Variants in FHIT observed in about 807,000 individuals in gnomAD.
FHIT encodes fragile histidine triad diadenosine triphosphatase.
FHIT carries 19 observed loss-of-function variants against 17.9 expected under a neutral mutation model. That is an observed-to-expected ratio of 1.06 (90% CI 0.74 to 1.56). The LOEUF is 1.56. Ranked by LOEUF, FHIT falls within the 40% of genes most tolerant of loss-of-function variation. FHIT has a pLI of 0.00. For synonymous variants in FHIT, 81 were observed against 69.7 expected (o/e 1.16, Z -0.81); for missense variants, 248 against 189.2 (o/e 1.31, Z -1.82).
At chr3:60,166,045 AT>A (rs1701156941) in intron 5 of FHIT, among the ~76,000 whole-genome samples, 1 of 152,148 alleles carries the variant, frequency 6.6e-6, no homozygotes, top group South Asian at 2.1e-4. Context: ...TCTCACATTC[AT>A]CAAGGAAAGG....
chr3:60,068,476 G>A (rs1255885975), intron 5 of FHIT, among the ~76,000 whole-genome samples: 1 of 152,116 alleles, frequency 6.6e-6, no homozygotes, highest in African/African-American at 2.4e-5. Flanking sequence ...GGCTCCATAC[G>A]GCTGTGTGGG....
intron 5 of FHIT, among the ~76,000 whole-genome samples, chr3:60,346,606 G>A (rs1337798673): frequency 2.0e-5 from 3 of 152,022 alleles, no homozygotes; most frequent in Admixed American, 6.6e-5. Flanking sequence ...TTTCCTTTTC[G>A]CCAAATAAAT....
chr3:60,868,337 T>A (rs1290527556), intron 3 of FHIT, among the ~76,000 whole-genome samples: 1 of 152,178 alleles, frequency 6.6e-6, no homozygotes, highest in East Asian at 1.9e-4. Context: ...TTGAAATTCC[T>A]TCAAAGCTAT....
chr3:60,860,415 A>ATACC, intron 3 of FHIT, among the ~76,000 whole-genome samples: 2 of 140,112 alleles, frequency 1.4e-5, no homozygotes, highest in Non-Finnish European at 3.2e-5. Flanking sequence ...CATACATCAT[A>ATACC]TGTATATATG....
chr3:60,501,197 A>G (rs1482005823), intron 5 of FHIT, among the ~76,000 whole-genome samples: 2 of 152,128 alleles, frequency 1.3e-5, no homozygotes, highest in Non-Finnish European at 1.5e-5. Context: ...TCTCACCAAC[A>G]TTTTTCAGGG....
intron 1 of FHIT, among the ~76,000 whole-genome samples, chr3:61,220,470 C>G (rs568265347): frequency 6.6e-6 from 1 of 152,300 alleles, no homozygotes; most frequent in East Asian, 1.9e-4. Context: ...TATATGTATG[C>G]ATTTCTTACA....
intron 5 of FHIT, among the ~76,000 whole-genome samples, chr3:60,260,648 T>C (rs756754696): frequency 2.1e-4 from 32 of 152,168 alleles, no homozygotes; most frequent in African/African-American, 4.8e-4. Flanking sequence ...AGAGCAACTC[T>C]ATCTTGAATA....
intron 9 of FHIT, 61 bp downstream of exon 9, chr3:59,752,160 G>A: frequency 8.4e-7 from 1 of 1,193,466 alleles, no homozygotes. Flanking sequence ...CATTCTGAGA[G>A]TGCAGCCTCT....
At chr3:60,276,560 T>A (rs577437507) in intron 5 of FHIT, among the ~76,000 whole-genome samples, 3 of 152,292 alleles carry the variant, frequency 2.0e-5, no homozygotes, top group Admixed American at 1.3e-4. Context: ...ACAAGGTGAA[T>A]CATAAAAATA....
chr3:60,613,828 G>A (rs1236195109), intron 4 of FHIT, among the ~76,000 whole-genome samples: 1 of 152,186 alleles, frequency 6.6e-6, no homozygotes, highest in Non-Finnish European at 1.5e-5. Flanking sequence ...TGTCTTGGAG[G>A]GACAAAGTGG....
chr3:60,461,911 C>A (rs187523116), intron 5 of FHIT, among the ~76,000 whole-genome samples: 1 of 152,156 alleles, frequency 6.6e-6, no homozygotes, highest in Non-Finnish European at 1.5e-5. Flanking sequence ...CCCCCGCCCC[C>A]CTTTAAGCCA....
chr3:60,343,736 A>G (rs73104934), intron 5 of FHIT, among the ~76,000 whole-genome samples: 22,517 of 152,106 alleles, frequency 0.15, 1,757 homozygotes, highest in Non-Finnish European at 0.16. Context: ...ATTCTGATGC[A>G]CTGTGGATAC....
intron 5 of FHIT, among the ~76,000 whole-genome samples, chr3:60,182,545 G>A (rs2107444864): frequency 6.6e-6 from 1 of 152,236 alleles, no homozygotes. Context: ...GGGAGGCTGA[G>A]GCAGGCAGAC....
At chr3:59,787,018 T>A (rs2106908765) in intron 8 of FHIT, among the ~76,000 whole-genome samples, 1 of 152,310 alleles carries the variant, frequency 6.6e-6, no homozygotes, top group South Asian at 2.1e-4. Flanking sequence ...GTGAATTCAA[T>A]GGGAATTATC....
chr3:60,273,492 C>T (rs1260306632), intron 5 of FHIT, among the ~76,000 whole-genome samples: 4 of 152,032 alleles, frequency 2.6e-5, no homozygotes, highest in Non-Finnish European at 5.9e-5. Flanking sequence ...TGCCTGTCCT[C>T]CCAGCTACTC....
At chr3:60,896,824 A>G (rs1705848200) in intron 3 of FHIT, among the ~76,000 whole-genome samples, 1 of 152,184 alleles carries the variant, frequency 6.6e-6, no homozygotes, top group Non-Finnish European at 1.5e-5. Flanking sequence ...TTCGGAATAT[A>G]CAAACCATGA....
chr3:60,627,733 A>G (rs1242077363), intron 4 of FHIT, among the ~76,000 whole-genome samples: 1 of 152,180 alleles, frequency 6.6e-6, no homozygotes, highest in East Asian at 1.9e-4. Context: ...CATATTGGCC[A>G]GGCTAGTCAC....
chr3:60,551,287 G>A (rs960064269), intron 4 of FHIT, among the ~76,000 whole-genome samples: 6 of 150,414 alleles, frequency 4.0e-5, no homozygotes, highest in African/African-American at 1.2e-4. Context: ...AGAGTGTTCA[G>A]GGTCTAAATT....
At chr3:60,931,504 C>T (rs929233399) in intron 3 of FHIT, among the ~76,000 whole-genome samples, 1 of 152,138 alleles carries the variant, frequency 6.6e-6, no homozygotes, top group South Asian at 2.1e-4. Context: ...GCCCCTAATT[C>T]CAAATGCTGC....
Sources: gnomAD v4.1 joint callset for allele counts (sites outside exome capture counted in the v4.1 genomes callset) on GRCh38, gnomAD v4.1.1 for gene constraint, MANE v1.5 for transcripts, NCBI Gene and HGNC (gene_info 2026-07-23, HGNC 2026-07-21) for gene names.